TJP2: variants seen among roughly 807,000 people sequenced by gnomAD.
TJP2 encodes the protein Friedreich ataxia region gene X104 (tight junction protein ZO-2).
Under a neutral mutation model 133.1 loss-of-function variants are expected in TJP2, and 91 were observed. That is an observed-to-expected ratio of 0.68 (90% confidence interval 0.58 to 0.81). TJP2 has a LOEUF of 0.81. Ranked by LOEUF, TJP2 falls within the 40% of genes least tolerant of loss-of-function variation. The pLI, the probability that TJP2 is intolerant of heterozygous loss-of-function variation, is 0.00. For missense variants in TJP2, 1,541 were observed against 1,565.6 expected, an observed-to-expected ratio of 0.98 and a Z score of 0.26; for synonymous variants, 592 against 583.4, an observed-to-expected ratio of 1.01 and a Z score of -0.21.
rs372671140 is a variant in TJP2 at position 69,251,300 on chromosome 9, A to C, written c.3257A>C (p.Glu1086Ala). The change falls in exon 21 of 23, where the codon GAG (glutamate) becomes GCG (alanine). Residue 1086 changes from glutamate (E) to alanine (A), a missense_variant. Transcript: ENST00000377245. ...GTCCTGGGCAAAGTCAAAATATTTG[A>C]GAAGATGGATCACAAGGCCAGGTTA... ...KSVLGKVKIF[E>A]KMDHKARLQR... The C allele has an allele frequency of 6.2e-7, 1 of 1,614,110 alleles. No individual in the cohort carries two copies. The highest frequency in any genetic ancestry group is 8.5e-7 in the Non-Finnish European group (1 of 1,180,044).
rs191634088 is a variant in TJP2, at chr9:69,248,176, G to A, written c.2832G>A (p.Pro944=). 87 of 1,612,890 alleles carry A rather than the reference G, an allele frequency of 5.4e-5. No individual in the cohort carries two copies. The East Asian group carries it at 1.8e-3, about 33-fold the overall frequency. Residue 944 remains proline, a synonymous_variant, in exon 19 of 23, where the codon CCG becomes CCA. Transcript: ENST00000377245. ...AGCTGGATGAGCCAGCCGAGGAGCCGCTGGTGTCGTCCATCACCCGCTCCT... is the reference window on the plus strand; with the variant it reads ...AGCTGGATGAGCCAGCCGAGGAGCCACTGGTGTCGTCCATCACCCGCTCCT... The part of the protein sequence containing the change: ...DNELDEPAEE[P]LVSSITRSSE...
chr9:69,179,630 G>C (rs1825349739), intron 1 of TJP2, among the ~76,000 whole-genome samples: 1 of 151,250 alleles, frequency 6.6e-6, no homozygotes, highest in South Asian at 2.1e-4. Flanking sequence ...CTCCCCAGTA[G>C]CTGGGACTAC....
chr9:69,162,441 G>A (rs1429458569), intron 2 of TJP2, among the ~76,000 whole-genome samples: 4 of 152,002 alleles, frequency 2.6e-5, no homozygotes, highest in Non-Finnish European at 4.4e-5. Flanking sequence ...TGAATTCTGC[G>A]TGAGTCTTAC....
chr9:69,122,492 A>G (rs531833867), intron 1 of TJP2, among the ~76,000 whole-genome samples: 7 of 152,310 alleles, frequency 4.6e-5, no homozygotes, highest in African/African-American at 1.7e-4. Flanking sequence ...AAAAATTTTC[A>G]CTTTCTGACC....
chr9:69,122,847 G>A (rs1368369259), intron 1 of TJP2, among the ~76,000 whole-genome samples: 1 of 152,156 alleles, frequency 6.6e-6, no homozygotes, highest in African/African-American at 2.4e-5. Context: ...AAACGTGGTC[G>A]GTAGGTAAGT....
At chr9:69,215,601 G>T (rs149814267) in intron 2 of TJP2, among the ~76,000 whole-genome samples, 9 of 151,932 alleles carry the variant, frequency 5.9e-5, no homozygotes, top group Admixed American at 2.6e-4. Flanking sequence ...GTCCAGGCTG[G>T]TCTTGAGCTG....
chr9:69,224,535 G>A (rs937877438), intron 5 of TJP2, among the ~76,000 whole-genome samples: 20 of 152,050 alleles, frequency 1.3e-4, no homozygotes, highest in African/African-American at 4.8e-4. Context: ...CAATTAGCTG[G>A]GCATGGTGGT....
intron 1 of TJP2, among the ~76,000 whole-genome samples, chr9:69,176,346 G>A (rs936716740): frequency 6.6e-6 from 1 of 152,094 alleles, no homozygotes; most frequent in East Asian, 1.9e-4. Flanking sequence ...GGAACAAAAC[G>A]GGTGCTGAAA....
chr9:69,244,454 A>G (rs916823960), intron 17 of TJP2, among the ~76,000 whole-genome samples: 8 of 152,136 alleles, frequency 5.3e-5, no homozygotes, highest in Non-Finnish European at 1.2e-4. Flanking sequence ...GGCTGGGCAC[A>G]CGTGCCCTCA....
chr9:69,218,182 A>C, intron 3 of TJP2, 75 bp from the exon 4 acceptor site: 1 of 1,259,268 alleles, frequency 7.9e-7, no homozygotes, highest in Non-Finnish European at 1.2e-6. Context: ...TGCTGCTTCT[A>C]TTTGTTCCTA....
chr9:69,130,015 C>CAAAAAAAAAAAAA (rs11355311), intron 1 of TJP2, among the ~76,000 whole-genome samples: 1 of 94,174 alleles, frequency 1.1e-5, no homozygotes, highest in African/African-American at 4.1e-5. Flanking sequence ...AACTCTGCCT[C>CAAAAAAAAAAAAA]AAAAAAAAAA....
chr9:69,156,731 C>A (rs991231184), intron 2 of TJP2, among the ~76,000 whole-genome samples: 35 of 151,838 alleles, frequency 2.3e-4, no homozygotes, highest in African/African-American at 7.2e-4. Flanking sequence ...CGGGGTTTCA[C>A]CGTGGTCTCG....
intron 1 of TJP2, chr9:69,205,306 A>G (rs1337862895): frequency 4.6e-6 from 7 of 1,536,034 alleles, no homozygotes; most frequent in Non-Finnish European, 6.1e-6. Context: ...AAGCAAAACC[A>G]TTCTCACAGT....
At chr9:69,140,055 T>C (rs1822948895) in intron 1 of TJP2, among the ~76,000 whole-genome samples, 2 of 152,108 alleles carry the variant, frequency 1.3e-5, no homozygotes, top group Admixed American at 1.3e-4. Flanking sequence ...CCTCCTTCTT[T>C]CCTCCTCAGG....
At chr9:69,133,959 T>C (rs944657142) in intron 1 of TJP2, among the ~76,000 whole-genome samples, 2 of 139,352 alleles carry the variant, frequency 1.4e-5, no homozygotes, top group African/African-American at 2.7e-5. Context: ...ACTCAAGTAC[T>C]TTCTCTTTTC....
intron 1 of TJP2, among the ~76,000 whole-genome samples, chr9:69,183,058 A>G (rs1039199461): frequency 8.6e-5 from 13 of 151,986 alleles, no homozygotes; most frequent in African/African-American, 3.1e-4. Context: ...CAGCCTCCCA[A>G]AGTGCTGGAA....
intron 2 of TJP2, among the ~76,000 whole-genome samples, chr9:69,154,341 G>A (rs139477336): frequency 3.4e-3 from 523 of 152,318 alleles, no homozygotes; most frequent in South Asian, 0.02. Context: ...CGGCGTGGGT[G>A]GAGCAGGTGT....
At chr9:69,180,916 T>C (rs1434201562) in intron 1 of TJP2, among the ~76,000 whole-genome samples, 1 of 152,142 alleles carries the variant, frequency 6.6e-6, no homozygotes, top group Non-Finnish European at 1.5e-5. Context: ...CCCTCCCTGG[T>C]CTGAGTCATC....
chr9:69,228,134 C>CA lies in TJP2; in HGVS notation c.1453+21dup. 3 of 1,583,620 alleles carry CA rather than the reference C, an allele frequency of 1.9e-6. No homozygotes were observed. The highest frequency in any genetic ancestry group is 2.6e-6 in the Non-Finnish European group (3 of 1,164,522). ...CCCCAGGTGAGCCATTAAGACCACTCAGTTTCAACAGTTGTGTTCAGAAGT... is the reference window on the plus strand; with the variant it reads ...CCCCAGGTGAGCCATTAAGACCACTCAAGTTTCAACAGTTGTGTTCAGAAGT... On this transcript the variant is annotated intron_variant, in intron 9 of 22. Transcript: ENST00000377245.
Sources: gnomAD v4.1 joint callset for allele counts (sites outside exome capture counted in the v4.1 genomes callset) on GRCh38, gnomAD v4.1.1 for gene constraint, MANE v1.5 for transcripts, NCBI Gene and HGNC (gene_info 2026-07-23, HGNC 2026-07-21) for gene names.